The following MGAT5 variants were observed in gnomAD, a reference collection of about 807,000 sequenced individuals.
MGAT5 encodes the protein alpha-1,6-mannosylglycoprotein 6-beta-N-acetylglucosaminyltransferase, also known as alpha-1,6-mannosylglycoprotein 6-beta-N-acetylglucosaminyltransferase A.
A neutral mutation model predicts 94.3 loss-of-function variants in MGAT5; 30 were observed. The observed-to-expected ratio is 0.32, with a 90% CI of 0.24 to 0.43. The LOEUF (loss-of-function observed/expected upper bound fraction) is 0.43. Among genes scored for constraint, MGAT5 ranks in the 20% least tolerant of loss-of-function variants. The probability of loss-of-function intolerance (pLI) is 1.00; values close to 1 mark genes in which losing one functional copy is unlikely to be tolerated. For synonymous variants in MGAT5, 310 were observed against 322.9 expected (o/e 0.96, Z 0.43); for missense variants, 691 against 905.5 (o/e 0.76, Z 3.04).
intron 1 of MGAT5, among the ~76,000 whole-genome samples, chr2:134,155,169 TC>T (rs1687417155): frequency 6.6e-6 from 1 of 152,202 alleles, no homozygotes; most frequent in Non-Finnish European, 1.5e-5. Flanking sequence ...GTGCTCTCTT[TC>T]CCCACCGCCC....
intron 7 of MGAT5, among the ~76,000 whole-genome samples, chr2:134,342,396 T>G (rs2106007832): frequency 6.6e-6 from 1 of 152,336 alleles, no homozygotes; most frequent in African/African-American, 2.4e-5. Context: ...AACAGTCAAG[T>G]TGCCATGTTG....
At chr2:134,445,778 T>A (rs113899570) in intron 15 of MGAT5, among the ~76,000 whole-genome samples, 9 of 152,262 alleles carry the variant, frequency 5.9e-5, no homozygotes, top group African/African-American at 2.2e-4. Context: ...AGACAGACAC[T>A]GCAGGGACAG....
At chr2:134,172,892 G>A (rs1018356434) in intron 1 of MGAT5, among the ~76,000 whole-genome samples, 1 of 152,168 alleles carries the variant, frequency 6.6e-6, no homozygotes, top group Admixed American at 6.5e-5. Flanking sequence ...TTTCTTTTAT[G>A]TATGTGGGTC....
intron 1 of MGAT5, among the ~76,000 whole-genome samples, chr2:134,161,484 C>T (rs1226787341): frequency 6.6e-6 from 1 of 152,226 alleles, no homozygotes; most frequent in Admixed American, 6.5e-5. Context: ...CCTGCAGGAT[C>T]TCCCAGGGCC....
Position 134,165,366 on chromosome 2 carries a change from G to C in MGAT5, c.-143+45075G>C, listed in dbSNP as rs565977125. Among the ~76,000 whole-genome samples the C allele has an allele frequency of 5.9e-5, 9 of 152,300 alleles. No individual in the cohort carries two copies. The East Asian group carries it at 1.5e-3, about 26-fold the overall frequency. On this transcript the variant is annotated intron_variant, in intron 1 of 16. Transcript: ENST00000409645. ...AAAATTTAATATATTGCATGGGATT[G>C]TGAGGTTGTTTCATGTTGGAATTCA...
intron 1 of MGAT5, among the ~76,000 whole-genome samples, chr2:134,238,311 GA>G (rs1434636521): frequency 6.6e-6 from 1 of 152,222 alleles, no homozygotes; most frequent in Non-Finnish European, 1.5e-5. Context: ...TTGGAAGAGA[GA>G]AAGTCTGTTA....
intron 4 of MGAT5, among the ~76,000 whole-genome samples, chr2:134,324,563 G>A (rs1041208977): frequency 3.3e-5 from 5 of 152,080 alleles, no homozygotes; most frequent in Non-Finnish European, 1.5e-5. Context: ...TTAAATGTTT[G>A]TGAATGCGAG....
intron 14 of MGAT5, 93 bp from the exon 15 acceptor site, chr2:134,441,665 G>A (rs1685492670): frequency 1.4e-6 from 2 of 1,440,044 alleles, no homozygotes; most frequent in African/African-American, 1.4e-5. Context: ...TGCTCTCCCA[G>A]TGTGCCGCCT....
At chr2:134,298,558 T>A (rs906456275) in intron 2 of MGAT5, among the ~76,000 whole-genome samples, 4 of 152,208 alleles carry the variant, frequency 2.6e-5, no homozygotes, top group African/African-American at 9.6e-5. Flanking sequence ...TTAGACACCA[T>A]GCGGATCATA....
intron 1 of MGAT5, among the ~76,000 whole-genome samples, chr2:134,125,458 A>T (rs1558944937): frequency 6.6e-6 from 1 of 152,116 alleles, no homozygotes; most frequent in East Asian, 1.9e-4. Context: ...GGCTTCATAG[A>T]TACCCAGGGG....
At chr2:134,375,106 T>C (rs963343162) in intron 10 of MGAT5, among the ~76,000 whole-genome samples, 3 of 152,228 alleles carry the variant, frequency 2.0e-5, no homozygotes, top group African/African-American at 7.2e-5. Context: ...ATTGAGCTCC[T>C]TGAGGAGATG....
At chr2:134,284,117 A>G (rs1684865960) in intron 2 of MGAT5, among the ~76,000 whole-genome samples, 1 of 152,172 alleles carries the variant, frequency 6.6e-6, no homozygotes, top group Non-Finnish European at 1.5e-5. Context: ...AAAGATTTAG[A>G]TGTTCTAACA....
At chr2:134,232,097 C>CCTT (rs1681400852) in intron 1 of MGAT5, among the ~76,000 whole-genome samples, 1 of 150,474 alleles carries the variant, frequency 6.6e-6, no homozygotes, top group South Asian at 2.2e-4. Context: ...TCCTCCTCCT[C>CCTT]CTCGTCTTCC....
At chr2:134,362,561 G>T (rs770225145) in intron 10 of MGAT5, among the ~76,000 whole-genome samples, 153 bp downstream of exon 10, 1 of 152,212 alleles carries the variant, frequency 6.6e-6, no homozygotes, top group Non-Finnish European at 1.5e-5. Flanking sequence ...CAGTTGCTCA[G>T]CATTTGGGTT....
chr2:134,336,875 G>A (rs1419117289), intron 5 of MGAT5, among the ~76,000 whole-genome samples: 1 of 152,150 alleles, frequency 6.6e-6, no homozygotes, highest in Non-Finnish European at 1.5e-5. Context: ...AGGGGACTGT[G>A]AAAGTACTTG....
chr2:134,292,065 A>C (rs183345604), intron 2 of MGAT5, among the ~76,000 whole-genome samples: 1 of 152,096 alleles, frequency 6.6e-6, no homozygotes, highest in African/African-American at 2.4e-5. Flanking sequence ...TCTAATTTTT[A>C]AAAGGGTTGG....
intron 1 of MGAT5, among the ~76,000 whole-genome samples, chr2:134,140,259 A>G (rs896281835): frequency 6.6e-6 from 1 of 152,234 alleles, no homozygotes; most frequent in Non-Finnish European, 1.5e-5. Flanking sequence ...GGCAAAGCCA[A>G]CAGAGAAGGA....
intron 2 of MGAT5, among the ~76,000 whole-genome samples, chr2:134,274,247 A>G (rs146952776): frequency 8.5e-4 from 130 of 152,306 alleles, no homozygotes; most frequent in Middle Eastern, 3.4e-3. Flanking sequence ...GCTCACATGG[A>G]TTGGTTTCTA....
chr2:134,160,455 T>C (rs1216959774), intron 1 of MGAT5, among the ~76,000 whole-genome samples: 1 of 152,210 alleles, frequency 6.6e-6, no homozygotes, highest in Non-Finnish European at 1.5e-5. Context: ...TGCAGGCCAC[T>C]GCGCCTGGCC....
Sources: allele counts gnomAD v4.1 joint callset (sites outside exome capture counted in the v4.1 genomes callset), GRCh38; gene constraint gnomAD v4.1.1; transcripts MANE v1.5; gene names NCBI Gene and HGNC (gene_info 2026-07-23, HGNC 2026-07-21).